The following GYS2 variants were observed in gnomAD, a reference collection of about 807,000 sequenced individuals.
GYS2 encodes glycogen [starch] synthase, liver.
In GYS2, 80 loss-of-function variants were observed where a neutral mutation model predicts 85.6. The observed-to-expected ratio is 0.93, with a 90% CI of 0.78 to 1.13. The LOEUF (loss-of-function observed/expected upper bound fraction) is 1.13, where lower values mean the gene tolerates loss of function less well. GYS2 is among the 50% of genes most tolerant of loss of function. GYS2 has a pLI of 0.00. For synonymous variants in GYS2, 328 were observed against 300.7 expected, an observed-to-expected ratio of 1.09 and a Z score of -0.94; for missense variants, 881 against 854.9, an observed-to-expected ratio of 1.03 and a Z score of -0.38.
In GYS2 at chr12:21,536,946, T is replaced by C. The variant is rs776668964; in HGVS notation, c.*8A>G. 5 of 1,582,676 alleles carry C rather than the reference T, an allele frequency of 3.2e-6. No individual in the cohort carries two copies. Among genetic ancestry groups the C allele is most frequent in the East Asian group, 4.5e-5 (2 of 44,740 alleles). ...TTAAATTAGCTCTTCATGCAGCACATGTAGAATTCAGTTCTTATATTCACC... is the reference window on the plus strand; with the variant it reads ...TTAAATTAGCTCTTCATGCAGCACACGTAGAATTCAGTTCTTATATTCACC... On this transcript the variant is annotated 3_prime_UTR_variant, in exon 16 of 16. Transcript: ENST00000261195.
chr12:21,543,087 G>T lies in GYS2; in HGVS notation c.1550-496C>A, dbSNP rs996619236. On this transcript the variant is annotated intron_variant, in intron 12 of 15. Transcript: ENST00000261195. ...GCACATATTCCTTCCACTCTCTCAG[G>T]AGCTCAATAAATGGATGATCTCTTG... Among the ~76,000 whole-genome samples, 3 of 152,236 alleles carry T rather than the reference G, an allele frequency of 2.0e-5. No individual in the cohort carries two copies. In the East Asian group the frequency reaches 5.8e-4, roughly 29 times the overall value.
At chr12:21,544,003 C>A (rs1299843716) in intron 12 of GYS2, among the ~76,000 whole-genome samples, 2 of 152,036 alleles carry the variant, frequency 1.3e-5, no homozygotes, top group Non-Finnish European at 1.5e-5. Flanking sequence ...ATTCCAGGCA[C>A]CCATGAAGTT....
chr12:21,548,661 A>G (rs1455641487), intron 11 of GYS2, among the ~76,000 whole-genome samples: 1 of 152,176 alleles, frequency 6.6e-6, no homozygotes, highest in African/African-American at 2.4e-5. Flanking sequence ...GGAAACGCAG[A>G]AACAAGAGCA....
chr12:21,575,960 AG>A lies in GYS2; in HGVS notation c.400del (p.Leu134SerfsTer20). 6.2e-7 allele frequency: 1 copy of A among 1,613,816 alleles called. No homozygotes were observed. The highest frequency in any genetic ancestry group is 8.5e-7 in the Non-Finnish European group (1 of 1,179,738). On this transcript the variant is annotated frameshift_variant, in exon 3 of 16. Transcript: ENST00000261195. LOFTEE classifies it high-confidence loss of function. ...AWNLDRWKGD[L>X]WEACSVGIPY... is the part of the protein sequence containing the mutation. ...AATGCCGACACTGCATGCTTCCCAG[AG>A]GTCACCCTTCCACCTGTCCAGATTC...
intron 1 of GYS2, among the ~76,000 whole-genome samples, chr12:21,584,684 G>T (rs1040797385): frequency 2.6e-5 from 4 of 152,130 alleles, no homozygotes; most frequent in Admixed American, 1.3e-4. Flanking sequence ...TGATTATATT[G>T]GACCTCTTCC....
At chr12:21,542,313 G>A (rs1368121252) in intron 13 of GYS2, among the ~76,000 whole-genome samples, 183 bp downstream of exon 13, 1 of 152,182 alleles carries the variant, frequency 6.6e-6, no homozygotes, top group Non-Finnish European at 1.5e-5. Flanking sequence ...GCCTCCCAAA[G>A]TGCTGGGATT....
chr12:21,545,433 C>T (rs1470189092), intron 12 of GYS2, among the ~76,000 whole-genome samples: 1 of 152,180 alleles, frequency 6.6e-6, no homozygotes, highest in African/African-American at 2.4e-5. Flanking sequence ...CAGAGTGAGA[C>T]TCCGTCTCAA....
At chr12:21,543,630 G>C (rs1445644659) in intron 12 of GYS2, among the ~76,000 whole-genome samples, 2 of 151,944 alleles carry the variant, frequency 1.3e-5, no homozygotes, top group Non-Finnish European at 2.9e-5. Flanking sequence ...TGAACGTGCA[G>C]GTTCGTTACA....
intron 1 of GYS2, among the ~76,000 whole-genome samples, chr12:21,591,692 G>A (rs1337615547): frequency 1.3e-5 from 2 of 152,112 alleles, no homozygotes; most frequent in Non-Finnish European, 2.9e-5. Flanking sequence ...GCACATTATA[G>A]TCAAACTGTC....
In GYS2 at chr12:21,559,668, G is replaced by T; in HGVS notation, c.1212C>A (p.Leu404=). 1 of 1,580,138 alleles carries T rather than the reference G, an allele frequency of 6.3e-7. No homozygotes were observed. Among genetic ancestry groups the T allele is most frequent in the Non-Finnish European group, 8.7e-7 (1 of 1,149,082 alleles). ...GCACCTACCTTAATAATGCATCATA[G>T]AGTTTTTTTCCAAACTTTTCCTTCA... ...HSVKEKFGKK[L]YDALLRGEIP... The change falls in exon 9 of 16, where the codon CTC becomes CTA. Residue 404 remains leucine (L), a synonymous_variant. Coordinates refer to ENST00000261195, the MANE Select transcript of GYS2 (RefSeq NM_021957.4).
chr12:21,588,886 G>T (rs886609475), intron 1 of GYS2, among the ~76,000 whole-genome samples: 1 of 152,202 alleles, frequency 6.6e-6, no homozygotes, highest in African/African-American at 2.4e-5. Context: ...CAACTAAAAT[G>T]AAGAACTTTT....
chr12:21,570,641 G>A (rs1315078551), intron 4 of GYS2, among the ~76,000 whole-genome samples: 1 of 152,218 alleles, frequency 6.6e-6, no homozygotes, highest in African/African-American at 2.4e-5. Flanking sequence ...TAAAGAACAA[G>A]TATAGAAAAT....
At chr12:21,601,822 A>T (rs774356890) in intron 1 of GYS2, among the ~76,000 whole-genome samples, 5 of 152,172 alleles carry the variant, frequency 3.3e-5, no homozygotes, top group Non-Finnish European at 7.4e-5. Flanking sequence ...CCTGATACCT[A>T]ATAGACACTT....
At chr12:21,554,266 G>A (rs978848729) in intron 11 of GYS2, among the ~76,000 whole-genome samples, 22 of 152,024 alleles carry the variant, frequency 1.4e-4, no homozygotes, top group Non-Finnish European at 2.8e-4. Context: ...GAGGGAGGGA[G>A]GGAGGAAGGA....
intron 1 of GYS2, among the ~76,000 whole-genome samples, chr12:21,584,213 A>G (rs2136918411): frequency 6.6e-6 from 1 of 152,336 alleles, no homozygotes; most frequent in Middle Eastern, 3.4e-3. Flanking sequence ...ATTTGCGATT[A>G]TATACTTATT....
rs753966233 is a variant in GYS2, at chr12:21,558,357, A to T, written c.1309-44T>A. On this transcript the variant is annotated intron_variant, in intron 10 of 15. Coordinates refer to ENST00000261195, the MANE Select transcript of GYS2 (RefSeq NM_021957.4). ...GGAAATATCAATTGCGGAAAGAATT[A>T]ATAAGGGTGACTAATTTCAACAATA... The T allele has an allele frequency of 6.6e-5, 81 of 1,221,698 alleles. No individual in the cohort carries two copies. In the Admixed American group the frequency reaches 1.4e-3, roughly 20 times the overall value. 75.7% of individuals were successfully genotyped at this position (1,221,698 alleles called of 1,614,324 possible).
intron 1 of GYS2, among the ~76,000 whole-genome samples, chr12:21,591,937 A>G (rs981177532): frequency 1.3e-5 from 2 of 152,156 alleles, no homozygotes; most frequent in African/African-American, 2.4e-5. Flanking sequence ...TCTGGGCAAG[A>G]AAAATTTGAA....
At chr12:21,595,681 A>C (rs976615036) in intron 1 of GYS2, among the ~76,000 whole-genome samples, 1 of 152,218 alleles carries the variant, frequency 6.6e-6, no homozygotes, top group Non-Finnish European at 1.5e-5. Context: ...AAGCAACAGC[A>C]GTTAAAAGAG....
At chr12:21,586,662 G>A (rs1944578127) in intron 1 of GYS2, among the ~76,000 whole-genome samples, 1 of 152,048 alleles carries the variant, frequency 6.6e-6, no homozygotes, top group South Asian at 2.1e-4. Flanking sequence ...TCATTATAAA[G>A]TTCAAAAACA....
Sources: gnomAD v4.1 joint callset for allele counts (sites outside exome capture counted in the v4.1 genomes callset) on GRCh38, gnomAD v4.1.1 for gene constraint, MANE v1.5 for transcripts, NCBI Gene and HGNC (gene_info 2026-07-23, HGNC 2026-07-21) for gene names.